GRK4: variants seen among roughly 807,000 people sequenced by gnomAD.
GRK4 encodes the protein G protein-coupled receptor kinase 4.
In GRK4, 73 loss-of-function variants were observed where a neutral mutation model predicts 77.9. That is an observed-to-expected ratio of 0.94 (90% CI 0.78 to 1.14). GRK4 has a LOEUF of 1.14. Ranked by LOEUF, GRK4 falls within the 50% of genes most tolerant of loss-of-function variation. GRK4 has a pLI of 0.00. For synonymous variants in GRK4, 257 were observed against 254.4 expected, an observed-to-expected ratio of 1.01 and a Z score of -0.10; for missense variants, 729 against 700.2, an observed-to-expected ratio of 1.04 and a Z score of -0.46.
chr4:2,972,416 C>T (rs549246561), intron 1 of GRK4, among the ~76,000 whole-genome samples: 1 of 152,186 alleles, frequency 6.6e-6, no homozygotes, highest in East Asian at 1.9e-4. Context: ...ACAGCGGGGA[C>T]GTGGAACCAG....
Position 3,029,398 on chromosome 4 carries a change from A to G in GRK4, c.1258A>G (p.Ile420Val), listed in dbSNP as rs140903356. Residue 420 changes from isoleucine (I) to valine (V), a missense_variant, in exon 12 of 16, where the codon ATC becomes GTC. Ile to Val is a conservative substitution (Grantham distance 29). Coordinates refer to ENST00000398052, the MANE Select transcript of GRK4 (RefSeq NM_182982.3). Reference protein sequence around the residue: ...SEKFSEDAKSICRMLLTKNPS... With the variant: ...SEKFSEDAKSVCRMLLTKNPS... ...GAAGTTTTCAGAGGATGCCAAATCT[A>G]TCTGCAGGATGGTAAGTCAGGCTCT... 2.5e-6 allele frequency: 4 copies of G among 1,613,284 alleles called. No individual in the cohort carries two copies. The highest frequency in any genetic ancestry group is 1.1e-5 in the South Asian group (1 of 91,058).
rs373054027 is a variant in GRK4 at position 2,963,605 on chromosome 4, C to G, written c.-466C>G. On this transcript the variant is annotated 5_prime_UTR_variant, in exon 1 of 16. Coordinates refer to ENST00000398052, the MANE Select transcript of GRK4 (RefSeq NM_182982.3). ...CGGCCGCGGCGGCGAGGGGCGCTCC[C>G]TCTTCAGCTAAGCCGTTAGCGCCGA... is the stretch of plus-strand genomic sequence containing the variant. 297 of 435,644 alleles carry G rather than the reference C, an allele frequency of 6.8e-4. 2 individuals are homozygous for G. The East Asian group carries it at 0.011, about 16-fold the overall frequency. 27.0% of individuals were successfully genotyped at this position (435,644 alleles called of 1,614,324 possible). A position where few individuals can be genotyped will look rare whatever the true frequency, so the allele number is the denominator to read the frequency against.
intron 4 of GRK4, among the ~76,000 whole-genome samples, chr4:2,997,015 T>G (rs1456937325): frequency 6.6e-6 from 1 of 151,838 alleles, no homozygotes; most frequent in East Asian, 1.9e-4. Flanking sequence ...ATGCCAGGAG[T>G]TGAAAAAAGA....
In GRK4 at chr4:3,027,992, G is replaced by A. The variant is rs758305030; in HGVS notation, c.1051G>A (p.Gly351Ser). ...GGTTCGAGGAAGAGTTGGAACAGTCGGCTACATGGGTTCGTGAGAGGCTTT... is the reference window on the plus strand; with the variant it reads ...GGTTCGAGGAAGAGTTGGAACAGTCAGCTACATGGGTTCGTGAGAGGCTTT... ...QRVRGRVGTV[G>S]YMAPEVVNNE... The change falls in exon 11 of 16, where the codon GGC (glycine) becomes AGC (serine). Residue 351 changes from glycine to serine, a missense_variant. Gly to Ser is a moderately conservative substitution (Grantham distance 56). Coordinates refer to ENST00000398052, the MANE Select transcript of GRK4 (RefSeq NM_182982.3). The A allele has an allele frequency of 1.5e-5, 24 of 1,614,000 alleles. No individual in the cohort carries two copies. Among genetic ancestry groups the A allele is most frequent in the African/African-American group, 4.0e-5 (3 of 74,992 alleles).
intron 13 of GRK4, among the ~76,000 whole-genome samples, chr4:3,036,125 G>C (rs917154153): frequency 1.3e-5 from 2 of 152,204 alleles, no homozygotes; most frequent in Non-Finnish European, 2.9e-5. Context: ...CTGGCCACCC[G>C]TGTCCCCTTT....
rs1230249223 is a variant in GRK4 at position 3,037,378 on chromosome 4, A to G, written c.1412A>G (p.His471Arg). Residue 471 changes from histidine (H) to arginine (R), a missense_variant, in exon 14 of 16, where the codon CAT (histidine) becomes CGT (arginine). Coordinates refer to ENST00000398052, the MANE Select transcript of GRK4 (RefSeq NM_182982.3). ...GCCCCTGTTCTTGCTACACAGCCTC[A>G]TGCCGTTTACTGTAAGGACGTCCTG... ...MLEPPFCPDP[H>R]AVYCKDVLDI... The G allele has an allele frequency of 1.3e-6, 2 of 1,597,588 alleles. No individual in the cohort carries two copies. Among genetic ancestry groups the G allele is most frequent in the South Asian group, 1.1e-5 (1 of 90,416 alleles).
chr4:3,011,218 T>A (rs1234648255), intron 7 of GRK4, among the ~76,000 whole-genome samples: 1 of 152,200 alleles, frequency 6.6e-6, no homozygotes, highest in East Asian at 1.9e-4. Flanking sequence ...TATAGCCACA[T>A]GTAAGTTTTT....
intron 10 of GRK4, among the ~76,000 whole-genome samples, chr4:3,026,238 C>G (rs1737526698): frequency 6.6e-6 from 1 of 152,192 alleles, no homozygotes; most frequent in African/African-American, 2.4e-5. Context: ...CACGAGAGCA[C>G]CTGTTTCCCC....
chr4:2,993,449 A>G (rs1006171316), intron 4 of GRK4, among the ~76,000 whole-genome samples: 1 of 152,140 alleles, frequency 6.6e-6, no homozygotes, highest in African/African-American at 2.4e-5. Flanking sequence ...TGAGGCGGGT[A>G]GATCACTTGA....
At chr4:3,018,713 A>G (rs1355396981) in intron 8 of GRK4, among the ~76,000 whole-genome samples, 2 of 152,248 alleles carry the variant, frequency 1.3e-5, no homozygotes, top group Middle Eastern at 3.4e-3. Context: ...CCTCATCTCT[A>G]CTATAAATAC....
chr4:3,007,726 C>A lies in GRK4; in HGVS notation c.444-10C>A, dbSNP rs1353585873. On this transcript the variant is annotated splice_polypyrimidine_tract_variant and intron_variant, in intron 5 of 15. Coordinates refer to ENST00000398052, the MANE Select transcript of GRK4 (RefSeq NM_182982.3). ...ACAAATGTATATAATTTTAAAAAATCTTTTTCTAGAGTTGCCCATAACTAC... is the reference window on the plus strand; with the variant it reads ...ACAAATGTATATAATTTTAAAAAATATTTTTCTAGAGTTGCCCATAACTAC... 1.9e-6 allele frequency: 3 copies of A among 1,543,722 alleles called. No homozygotes were observed. Among genetic ancestry groups the A allele is most frequent in the Admixed American group, 3.9e-5 (2 of 50,776 alleles).
At chr4:3,023,041 C>A (rs112619790) in intron 10 of GRK4, among the ~76,000 whole-genome samples, 21 of 152,330 alleles carry the variant, frequency 1.4e-4, no homozygotes, top group African/African-American at 5.1e-4. Context: ...CCTCTTGTTT[C>A]TTGCTGTTGA....
At chr4:2,968,868 G>A (rs897342718) in intron 1 of GRK4, among the ~76,000 whole-genome samples, 5 of 152,082 alleles carry the variant, frequency 3.3e-5, no homozygotes, top group Admixed American at 6.5e-5. Context: ...ATCTGATTTT[G>A]CCTCATGAAT....
chr4:3,015,944 T>C (rs1734347032), intron 8 of GRK4, among the ~76,000 whole-genome samples: 2 of 149,026 alleles, frequency 1.3e-5, no homozygotes, highest in Non-Finnish European at 3.0e-5. Flanking sequence ...AGTCTCGCAC[T>C]GTCTCCCGGG....
intron 9 of GRK4, 128 bp from the exon 10 acceptor site, chr4:3,022,285 TG>T: frequency 1.4e-6 from 1 of 736,490 alleles, no homozygotes; most frequent in African/African-American, 1.8e-5. Context: ...CTGTTTGCCG[TG>T]GCTCATGAAG....
chr4:3,015,601 G>A (rs552608693), intron 8 of GRK4, among the ~76,000 whole-genome samples: 8 of 151,684 alleles, frequency 5.3e-5, no homozygotes, highest in Non-Finnish European at 7.4e-5. Flanking sequence ...CGTGAACCCC[G>A]GAGGCGGAGC....
At chr4:2,970,732 T>C (rs1009201889) in intron 1 of GRK4, among the ~76,000 whole-genome samples, 3 of 151,422 alleles carry the variant, frequency 2.0e-5, no homozygotes, top group East Asian at 3.9e-4. Flanking sequence ...TGCAGTGGCG[T>C]GATCTCAGCT....
At chr4:3,002,564 C>T (rs955691964) in intron 4 of GRK4, among the ~76,000 whole-genome samples, 1 of 152,072 alleles carries the variant, frequency 6.6e-6, no homozygotes, top group Non-Finnish European at 1.5e-5. Context: ...ATTAGCCAGG[C>T]GTGGTGGCGG....
chr4:2,988,827 C>A lies in GRK4; in HGVS notation c.249C>A (p.Phe83Leu), dbSNP rs142938182. Residue 83 changes from phenylalanine (F) to leucine (L), a missense_variant, in exon 3 of 16, where the codon TTC (phenylalanine) becomes TTA (leucine). Coordinates refer to ENST00000398052, the MANE Select transcript of GRK4 (RefSeq NM_182982.3). The part of the protein sequence containing the change: ...TKPTLKRHIE[F>L]LDAVAEYEVA... ...CCACTCTAAAGAGGCACATTGAATT[C>A]TTGGATGCAGTGGTGAGCAGTTTAT... is the stretch of plus-strand genomic sequence containing the variant. 17 of 1,597,888 alleles carry A rather than the reference C, an allele frequency of 1.1e-5. No individual in the cohort carries two copies. Among genetic ancestry groups the A allele is most frequent in the East Asian group, 4.5e-5 (2 of 44,838 alleles).
Sources: allele counts gnomAD v4.1 joint callset (sites outside exome capture counted in the v4.1 genomes callset), GRCh38; gene constraint gnomAD v4.1.1; transcripts MANE v1.5; gene names NCBI Gene and HGNC (gene_info 2026-07-23, HGNC 2026-07-21).